The following SKAP1 variants were observed in gnomAD, a reference collection of about 807,000 sequenced individuals.
SKAP1 encodes the protein src kinase-associated phosphoprotein 1.
Under a neutral mutation model 58.5 loss-of-function variants are expected in SKAP1, and 44 were observed. The ratio of observed to expected loss-of-function variants is 0.75; its 90% CI spans 0.59 to 0.97. The LOEUF is 0.97. SKAP1 is among the 50% of genes least tolerant of loss of function. The probability of loss-of-function intolerance (pLI) is 0.00; values close to 1 mark genes in which losing one functional copy is unlikely to be tolerated. For missense variants in SKAP1, 390 were observed against 435.2 expected, an observed-to-expected ratio of 0.90 and a Z score of 0.92; for synonymous variants, 127 against 149.7, an observed-to-expected ratio of 0.85 and a Z score of 1.11.
intron 4 of SKAP1, among the ~76,000 whole-genome samples, chr17:48,205,633 A>T (rs976871255): frequency 1.3e-5 from 2 of 152,192 alleles, no homozygotes; most frequent in Non-Finnish European, 2.9e-5. Flanking sequence ...CAGAATTCTT[A>T]AAAAGAAGAT....
intron 1 of SKAP1, among the ~76,000 whole-genome samples, chr17:48,400,908 C>A (rs192448471): frequency 6.6e-6 from 1 of 152,156 alleles, no homozygotes; most frequent in Admixed American, 6.5e-5. Context: ...TTTTATGTAA[C>A]CCCTATCAAA....
intron 10 of SKAP1, among the ~76,000 whole-genome samples, chr17:48,167,304 A>G (rs1445793295): frequency 6.6e-6 from 1 of 152,158 alleles, no homozygotes; most frequent in Non-Finnish European, 1.5e-5. Flanking sequence ...GAGTTTTGAA[A>G]TTACTATGAT....
chr17:48,239,567 GAA>G (rs1285912697), intron 4 of SKAP1, among the ~76,000 whole-genome samples: 1 of 152,106 alleles, frequency 6.6e-6, no homozygotes. Flanking sequence ...AATTAAGAAA[GAA>G]AAGAGTGAAA....
At chr17:48,422,836 G>C (rs1014492720) in intron 1 of SKAP1, among the ~76,000 whole-genome samples, 2 of 152,154 alleles carry the variant, frequency 1.3e-5, no homozygotes, top group Non-Finnish European at 2.9e-5. Flanking sequence ...GACAATGAAT[G>C]ATGAGGAAAG....
At chr17:48,368,928 G>A (rs1234592341) in intron 2 of SKAP1, among the ~76,000 whole-genome samples, 1 of 151,968 alleles carries the variant, frequency 6.6e-6, no homozygotes, top group East Asian at 1.9e-4. Context: ...CAGCACTTTC[G>A]GAGGTCATAA....
chr17:48,323,956 A>G (rs7210445), intron 4 of SKAP1, among the ~76,000 whole-genome samples: 51,626 of 151,908 alleles, frequency 0.34, 9,733 homozygotes, highest in African/African-American at 0.48. Flanking sequence ...CTCCTCACAC[A>G]TTCTCATGTT....
At chr17:48,413,058 C>CG (rs2067684790) in intron 1 of SKAP1, among the ~76,000 whole-genome samples, 2 of 142,170 alleles carry the variant, frequency 1.4e-5, no homozygotes, top group South Asian at 4.4e-4. Flanking sequence ...AGCATATAAC[C>CG]AAAAAAAAAA....
intron 4 of SKAP1, chr17:48,196,674 T>C (rs2064635688): frequency 2.6e-5 from 4 of 152,272 alleles, no homozygotes; most frequent in African/African-American, 9.6e-5. Context: ...GTTTCTGCGT[T>C]AGTTCAAAAA....
chr17:48,283,448 C>T (rs571951197), intron 4 of SKAP1, among the ~76,000 whole-genome samples: 15 of 152,262 alleles, frequency 9.9e-5, no homozygotes, highest in African/African-American at 3.6e-4. Flanking sequence ...GGTCTGTGAC[C>T]TGGGGCAAGT....
At chr17:48,259,582 T>G (rs1366997012) in intron 4 of SKAP1, among the ~76,000 whole-genome samples, 1 of 152,204 alleles carries the variant, frequency 6.6e-6, no homozygotes, top group African/African-American at 2.4e-5. Context: ...GTAATTCGAA[T>G]ATAAATATGA....
chr17:48,382,739 G>A (rs2067231442), intron 2 of SKAP1, among the ~76,000 whole-genome samples: 1 of 152,154 alleles, frequency 6.6e-6, no homozygotes, highest in African/African-American at 2.4e-5. Flanking sequence ...TTCACTGAAT[G>A]TCCTCAGTGA....
At chr17:48,169,584 A>G (rs2064183615) in intron 10 of SKAP1, among the ~76,000 whole-genome samples, 1 of 152,184 alleles carries the variant, frequency 6.6e-6, no homozygotes. Flanking sequence ...TTGGCGCATG[A>G]CTTCTGAGGC....
At chr17:48,361,071 G>GTACTATACTATACTATACTA (rs67180445) in intron 3 of SKAP1, among the ~76,000 whole-genome samples, 238 of 145,478 alleles carry the variant, frequency 1.6e-3, no homozygotes, top group South Asian at 2.3e-3. Context: ...AACTTGTACT[G>GTACTATACTATACTATACTA]TACTATACTA....
At chr17:48,336,000 T>C (rs2066563621) in intron 4 of SKAP1, among the ~76,000 whole-genome samples, 1 of 152,166 alleles carries the variant, frequency 6.6e-6, no homozygotes, top group African/African-American at 2.4e-5. Flanking sequence ...AGAACTTACA[T>C]ATCTTAGCCT....
intron 9 of SKAP1, among the ~76,000 whole-genome samples, chr17:48,171,825 G>A (rs1328924945): frequency 1.3e-5 from 2 of 151,996 alleles, no homozygotes; most frequent in South Asian, 2.1e-4. Flanking sequence ...CACTTTGGGA[G>A]GCCGAGGCGG....
chr17:48,363,309 T>C (rs1053541546), intron 3 of SKAP1, among the ~76,000 whole-genome samples: 1 of 152,122 alleles, frequency 6.6e-6, no homozygotes, highest in Non-Finnish European at 1.5e-5. Context: ...ACTGTTCTAG[T>C]GGGAATTTCA....
intron 11 of SKAP1, among the ~76,000 whole-genome samples, chr17:48,142,354 C>T (rs745970299): frequency 6.6e-6 from 1 of 152,162 alleles, no homozygotes; most frequent in South Asian, 2.1e-4. Flanking sequence ...CCCAGCTACT[C>T]GGGAAGCTGA....
the SKAP1 span, among the ~76,000 whole-genome samples, chr17:48,443,347 T>C: frequency 6.6e-6 from 1 of 152,236 alleles, no homozygotes; most frequent in Non-Finnish European, 1.5e-5. Flanking sequence ...CTTCTCCTCC[T>C]GAGGGTTCAG....
chr17:48,421,763 A>G (rs889386001), intron 1 of SKAP1, among the ~76,000 whole-genome samples: 2 of 152,234 alleles, frequency 1.3e-5, no homozygotes, highest in Admixed American at 6.5e-5. Flanking sequence ...GAAAAATTAT[A>G]TGCCTGGGAA....
Sources: allele counts gnomAD v4.1 joint callset (sites outside exome capture counted in the v4.1 genomes callset), GRCh38; gene constraint gnomAD v4.1.1; transcripts MANE v1.5; gene names NCBI Gene and HGNC (gene_info 2026-07-23, HGNC 2026-07-21).